Variants in CFDP1 observed in about 807,000 individuals in gnomAD.
CFDP1 encodes the protein chromatin remodeling protein CFDP1, also known as heterochromatin-stabilizing protein CFDP1.
CFDP1 carries 31 observed loss-of-function variants against 40.1 expected under a neutral mutation model. The observed-to-expected ratio is 0.77, with a 90% CI of 0.58 to 1.04. CFDP1 has a LOEUF of 1.04. Ranked by LOEUF, CFDP1 falls within the 50% of genes least tolerant of loss-of-function variation. The pLI, the probability that CFDP1 is intolerant of heterozygous loss-of-function variation, is 0.00. For missense variants in CFDP1, 423 were observed against 343.4 expected, an observed-to-expected ratio of 1.23 and a Z score of -1.83; for synonymous variants, 167 against 120.0, an observed-to-expected ratio of 1.39 and a Z score of -2.56.
chr16:75,414,089 C>T (rs1461927026), intron 2 of CFDP1, among the ~76,000 whole-genome samples: 2 of 152,004 alleles, frequency 1.3e-5, no homozygotes, highest in Admixed American at 6.6e-5. Flanking sequence ...AAAGTAAGGC[C>T]TATTCACATA....
chr16:75,403,954 A>C (rs1335746189), intron 4 of CFDP1, among the ~76,000 whole-genome samples: 2 of 151,958 alleles, frequency 1.3e-5, no homozygotes, highest in Non-Finnish European at 2.9e-5. Context: ...CAACATGATG[A>C]AACCCTGTCT....
At chr16:75,416,184 G>A (rs138499266) in intron 1 of CFDP1, among the ~76,000 whole-genome samples, 79 of 152,058 alleles carry the variant, frequency 5.2e-4, no homozygotes, top group African/African-American at 1.9e-3. Context: ...CACTTATAAT[G>A]TACCAAGGAC....
chr16:75,399,609 G>C (rs1454249989), intron 4 of CFDP1, among the ~76,000 whole-genome samples: 2 of 152,072 alleles, frequency 1.3e-5, no homozygotes, highest in Admixed American at 1.3e-4. Context: ...AAACTCCTGG[G>C]CTCAAGTGGT....
intron 5 of CFDP1, among the ~76,000 whole-genome samples, chr16:75,375,956 T>C (rs956259490): frequency 6.6e-6 from 1 of 152,222 alleles, no homozygotes; most frequent in African/African-American, 2.4e-5. Flanking sequence ...CTCATGCCTA[T>C]AATCCTTGCA....
chr16:75,377,444 T>C (rs1222565776), intron 5 of CFDP1, among the ~76,000 whole-genome samples: 2 of 152,256 alleles, frequency 1.3e-5, no homozygotes, highest in Non-Finnish European at 2.9e-5. Context: ...GATGATATCC[T>C]TGTCTCTCTG....
At position 75,299,581 on chromosome 16, in the gene CFDP1, C is replaced by T. The variant is rs12596463; in HGVS notation, c.809+5443G>A. Among the ~76,000 whole-genome samples the T allele has an allele frequency of 2.0e-3, 301 of 149,938 alleles. 3 individuals carry two copies. In the East Asian group the frequency reaches 0.026, roughly 13 times the overall value. On this transcript the variant is annotated intron_variant, in intron 6 of 6. Coordinates refer to ENST00000283882, the MANE Select transcript of CFDP1 (RefSeq NM_006324.3). Reference sequence around the variant, plus strand: ...CTGCACTCCAGCCTGGGGAAAAGAGCGAGACTCCATCTCAAAAAAAAAAAA... The same window carrying T: ...CTGCACTCCAGCCTGGGGAAAAGAGTGAGACTCCATCTCAAAAAAAAAAAA...
intron 1 of CFDP1, among the ~76,000 whole-genome samples, chr16:75,418,012 G>A (rs1297592141): frequency 6.6e-6 from 1 of 152,026 alleles, no homozygotes; most frequent in Non-Finnish European, 1.5e-5. Context: ...CCAGCACTTT[G>A]GGAGGCTGAG....
chr16:75,365,453 G>C (rs2078707016), intron 5 of CFDP1, among the ~76,000 whole-genome samples: 6 of 152,184 alleles, frequency 3.9e-5, no homozygotes. Flanking sequence ...CTGTGGCACA[G>C]ACGGACTAAA....
chr16:75,327,587 G>GA (rs1250676249), intron 5 of CFDP1, among the ~76,000 whole-genome samples: 2 of 151,538 alleles, frequency 1.3e-5, no homozygotes, highest in Non-Finnish European at 2.9e-5. Flanking sequence ...AAGAGTTTGG[G>GA]AAAAAAAATT....
intron 5 of CFDP1, among the ~76,000 whole-genome samples, chr16:75,351,794 G>A (rs2078613166): frequency 6.6e-6 from 1 of 151,750 alleles, no homozygotes; most frequent in South Asian, 2.1e-4. Context: ...GATCATTTGA[G>A]GTCAGGAGTT....
intron 5 of CFDP1, among the ~76,000 whole-genome samples, chr16:75,322,173 T>C (rs2078369137): frequency 6.6e-6 from 1 of 152,228 alleles, no homozygotes; most frequent in South Asian, 2.1e-4. Context: ...GCATACATTT[T>C]GTAAGAAGAA....
intron 6 of CFDP1, 122 bp downstream of exon 6, chr16:75,304,902 C>A: frequency 9.4e-7 from 1 of 1,061,500 alleles, no homozygotes; most frequent in South Asian, 1.5e-5. Context: ...CCAAAGTGCT[C>A]ACATTTTTAG....
intron 4 of CFDP1, among the ~76,000 whole-genome samples, chr16:75,397,554 G>A (rs1335403676): frequency 6.6e-5 from 10 of 150,500 alleles, no homozygotes; most frequent in Non-Finnish European, 1.3e-4. Context: ...TGTAATCCCA[G>A]CACTTTGGGA....
chr16:75,383,630 C>G (rs900742591), intron 5 of CFDP1, among the ~76,000 whole-genome samples: 22 of 151,934 alleles, frequency 1.4e-4, no homozygotes, highest in African/African-American at 5.3e-4. Context: ...ACCATCCTTG[C>G]CAATATGGTG....
intron 5 of CFDP1, among the ~76,000 whole-genome samples, chr16:75,348,901 C>G (rs1310472140): frequency 6.6e-6 from 1 of 152,106 alleles, no homozygotes; most frequent in East Asian, 1.9e-4. Context: ...GTCTTGCTGT[C>G]TGCCACCCAG....
intron 5 of CFDP1, among the ~76,000 whole-genome samples, chr16:75,385,600 C>T (rs1369493203): frequency 6.6e-6 from 1 of 151,874 alleles, no homozygotes; most frequent in Admixed American, 6.6e-5. Flanking sequence ...AAATATCATA[C>T]CAAGAGACGA....
intron 1 of CFDP1, among the ~76,000 whole-genome samples, chr16:75,423,280 C>CA (rs34137868): frequency 0.15 from 16,292 of 109,116 alleles, 1,384 homozygotes; most frequent in East Asian, 0.37. Flanking sequence ...GACTCCGTCT[C>CA]AAAAAAAAAA....
At chr16:75,309,840 A>C (rs1486396652) in intron 5 of CFDP1, among the ~76,000 whole-genome samples, 1 of 150,814 alleles carries the variant, frequency 6.6e-6, no homozygotes, top group Non-Finnish European at 1.5e-5. Flanking sequence ...AAAAAAAAAA[A>C]AAAAACCAAT....
rs367673512 is a variant in CFDP1 at position 75,342,560 on chromosome 16, A to C, written c.651-37378T>G. Among the ~76,000 whole-genome samples the C allele has an allele frequency of 3.3e-5, 5 of 152,342 alleles. No individual in the cohort carries two copies. In the East Asian group the frequency reaches 5.8e-4, roughly 18 times the overall value. On this transcript the variant is annotated intron_variant, in intron 5 of 6. Transcript: ENST00000283882. ...TCACTTCCCACCCCTAATGGTAGCCAAAGCCAAATGCAGAGTTAGAGTTCT... is the reference window on the plus strand; with the variant it reads ...TCACTTCCCACCCCTAATGGTAGCCCAAGCCAAATGCAGAGTTAGAGTTCT...
Sources: allele counts gnomAD v4.1 joint callset (sites outside exome capture counted in the v4.1 genomes callset), GRCh38; gene constraint gnomAD v4.1.1; transcripts MANE v1.5; gene names NCBI Gene and HGNC (gene_info 2026-07-23, HGNC 2026-07-21).